DESI2: variants seen among roughly 807,000 people sequenced by gnomAD.
The protein encoded by DESI2 is deubiquitinase DESI2.
In DESI2, 10 loss-of-function variants were observed where a neutral mutation model predicts 24.1. The ratio of observed to expected loss-of-function variants is 0.41; its 90% CI spans 0.26 to 0.70. DESI2 has a LOEUF of 0.70. Among genes scored for constraint, DESI2 ranks in the 30% least tolerant of loss-of-function variants. The probability of loss-of-function intolerance (pLI) is 0.29; values close to 1 mark genes in which losing one functional copy is unlikely to be tolerated. For synonymous variants in DESI2, 71 were observed against 87.7 expected, an observed-to-expected ratio of 0.81 and a Z score of 1.06; for missense variants, 122 against 234.9, an observed-to-expected ratio of 0.52 and a Z score of 3.14.
intron 1 of DESI2, among the ~76,000 whole-genome samples, chr1:244,662,002 T>G (rs984156391): frequency 6.6e-5 from 10 of 152,236 alleles, no homozygotes; most frequent in African/African-American, 2.4e-4. Flanking sequence ...TCCACAATGG[T>G]TGAACTAGTT....
intron 1 of DESI2, among the ~76,000 whole-genome samples, chr1:244,655,452 G>T (rs1262470729): frequency 6.6e-6 from 1 of 152,104 alleles, no homozygotes; most frequent in African/African-American, 2.4e-5. Context: ...TCTTTTGAGG[G>T]CTTTGAGTGT....
At chr1:244,698,246 G>A (rs936695893) in intron 4 of DESI2, among the ~76,000 whole-genome samples, 1 of 152,364 alleles carries the variant, frequency 6.6e-6, no homozygotes. Flanking sequence ...CTGTAGGATA[G>A]ACGGAAATTT....
intron 3 of DESI2, among the ~76,000 whole-genome samples, chr1:244,690,115 A>G (rs1676968255): frequency 6.6e-6 from 1 of 152,200 alleles, no homozygotes; most frequent in African/African-American, 2.4e-5. Flanking sequence ...ACATGTGCAC[A>G]ACGTGCAGGT....
chr1:244,658,348 C>T (rs1675719328), intron 1 of DESI2, among the ~76,000 whole-genome samples: 1 of 152,204 alleles, frequency 6.6e-6, no homozygotes, highest in Non-Finnish European at 1.5e-5. Flanking sequence ...ATCACATCCC[C>T]ATATCTTTAT....
chr1:244,661,618 TCTC>T (rs968871111), intron 1 of DESI2, among the ~76,000 whole-genome samples: 6 of 151,988 alleles, frequency 3.9e-5, no homozygotes, highest in Non-Finnish European at 1.5e-5. Context: ...GTCCAAGTGT[TCTC>T]CTTGTTCAAT....
chr1:244,701,837 G>C (rs1677477792), intron 4 of DESI2, among the ~76,000 whole-genome samples: 1 of 152,114 alleles, frequency 6.6e-6, no homozygotes, highest in African/African-American at 2.4e-5. Flanking sequence ...AGTCTTCCTT[G>C]TGTGGATGTA....
chr1:244,669,204 C>T (rs1304574545), intron 1 of DESI2, among the ~76,000 whole-genome samples: 1 of 151,876 alleles, frequency 6.6e-6, no homozygotes, highest in Non-Finnish European at 1.5e-5. Context: ...ACTATGTGGC[C>T]CAGGCTGGTC....
intron 1 of DESI2, among the ~76,000 whole-genome samples, chr1:244,684,798 A>G (rs928232819): frequency 6.6e-6 from 1 of 152,204 alleles, no homozygotes; most frequent in African/African-American, 2.4e-5. Flanking sequence ...TAGATTCCAG[A>G]AGGTGAAATG....
chr1:244,691,777 T>C, intron 3 of DESI2, 102 bp from the exon 4 acceptor site: 1 of 903,092 alleles, frequency 1.1e-6, no homozygotes, highest in South Asian at 2.1e-5. Context: ...TCGATCATAA[T>C]ATTCCTGGAA....
intron 1 of DESI2, among the ~76,000 whole-genome samples, chr1:244,654,760 AGACTCTT>A (rs1179349104): frequency 1.3e-5 from 2 of 152,312 alleles, no homozygotes; most frequent in East Asian, 3.9e-4. Flanking sequence ...TTATCTTTCA[AGACTCTT>A]AACTGCCCTT....
chr1:244,676,269 G>C (rs1446185998), intron 1 of DESI2, among the ~76,000 whole-genome samples: 2 of 151,916 alleles, frequency 1.3e-5, no homozygotes, highest in Non-Finnish European at 2.9e-5. Context: ...GTAGAGACAG[G>C]GTTTCACCGT....
intron 1 of DESI2, among the ~76,000 whole-genome samples, chr1:244,665,567 T>A (rs1447264753): frequency 1.3e-5 from 2 of 152,216 alleles, no homozygotes; most frequent in Non-Finnish European, 2.9e-5. Context: ...TAGACCATGG[T>A]ACCCAGTTTT....
At chr1:244,680,272 AC>A (rs1016236739) in intron 1 of DESI2, among the ~76,000 whole-genome samples, 20 of 152,200 alleles carry the variant, frequency 1.3e-4, no homozygotes, top group Non-Finnish European at 2.2e-4. Context: ...ACATGATGAA[AC>A]CCTGTCTGTA....
intron 4 of DESI2, among the ~76,000 whole-genome samples, chr1:244,700,482 G>A (rs1224816745): frequency 3.9e-5 from 6 of 151,988 alleles, no homozygotes; most frequent in Non-Finnish European, 8.8e-5. Context: ...TTGTTATCTG[G>A]TATGACAAGA....
At chr1:244,673,876 C>T (rs2148793644) in intron 1 of DESI2, among the ~76,000 whole-genome samples, 1 of 152,106 alleles carries the variant, frequency 6.6e-6, no homozygotes, top group Admixed American at 6.5e-5. Context: ...GAATGTTTAT[C>T]CTCGGGGGCT....
chr1:244,701,280 T>C (rs1297306984), intron 4 of DESI2, among the ~76,000 whole-genome samples: 1 of 125,382 alleles, frequency 8.0e-6, no homozygotes, highest in Non-Finnish European at 1.6e-5. Flanking sequence ...TCGTGGATCA[T>C]CTCAACCATC....
chr1:244,690,915 A>C (rs1677003294), intron 3 of DESI2, among the ~76,000 whole-genome samples: 1 of 152,218 alleles, frequency 6.6e-6, no homozygotes, highest in South Asian at 2.1e-4. Context: ...TTCGCACGTA[A>C]GTGCTATGAT....
chr1:244,704,993 G>A (rs12567727), intron 4 of DESI2, among the ~76,000 whole-genome samples: 1 of 152,086 alleles, frequency 6.6e-6, no homozygotes, highest in Non-Finnish European at 1.5e-5. Flanking sequence ...TTATCACCCA[G>A]GCTGTTTTTT....
At chr1:244,700,646 A>G (rs930605349) in intron 4 of DESI2, among the ~76,000 whole-genome samples, 1 of 152,188 alleles carries the variant, frequency 6.6e-6, no homozygotes, top group Non-Finnish European at 1.5e-5. Flanking sequence ...TGAAACTAGG[A>G]CTTTTTTACA....
Sources: gnomAD v4.1 joint callset for allele counts (sites outside exome capture counted in the v4.1 genomes callset) on GRCh38, gnomAD v4.1.1 for gene constraint, MANE v1.5 for transcripts, NCBI Gene and HGNC (gene_info 2026-07-23, HGNC 2026-07-21) for gene names.